The following SCP2 variants were observed in gnomAD, a reference collection of about 807,000 sequenced individuals.
SCP2 encodes the protein sterol carrier protein 2, also known as SCP-2/3-oxoacyl-CoA thiolase.
Under a neutral mutation model 71.4 loss-of-function variants are expected in SCP2, and 48 were observed. That is an observed-to-expected ratio of 0.67 (90% confidence interval 0.53 to 0.86). The LOEUF is 0.86. Ranked by LOEUF, SCP2 falls within the 40% of genes least tolerant of loss-of-function variation. The pLI is 0.00. For missense variants in SCP2, 560 were observed against 655.6 expected (o/e 0.85, Z 1.59); for synonymous variants, 220 against 218.1 (o/e 1.01, Z -0.08).
chr1:53,031,792 T>G (rs1662562242), intron 13 of SCP2, among the ~76,000 whole-genome samples: 1 of 152,250 alleles, frequency 6.6e-6, no homozygotes. Context: ...TTCTGAAAAG[T>G]AGCAGCAAGT....
intron 10 of SCP2, among the ~76,000 whole-genome samples, chr1:52,981,793 A>G (rs986244472): frequency 6.7e-6 from 1 of 150,148 alleles, no homozygotes; most frequent in Non-Finnish European, 1.5e-5. Flanking sequence ...TAAAATGTAT[A>G]TATTAAATAA....
At chr1:53,006,128 G>A (rs1348677913) in intron 11 of SCP2, among the ~76,000 whole-genome samples, 1 of 152,216 alleles carries the variant, frequency 6.6e-6, no homozygotes, top group Non-Finnish European at 1.5e-5. Context: ...ATGGGACTAT[G>A]TGAAAAGACC....
chr1:52,991,226 TTAAG>T (rs1019165149), intron 11 of SCP2, among the ~76,000 whole-genome samples: 10 of 152,128 alleles, frequency 6.6e-5, no homozygotes, highest in South Asian at 2.1e-4. Context: ...GTTCTGTGGA[TTAAG>T]TGAGGAAATA....
At chr1:52,968,341 A>G (rs1657163996) in intron 6 of SCP2, among the ~76,000 whole-genome samples, 1 of 152,206 alleles carries the variant, frequency 6.6e-6, no homozygotes, top group South Asian at 2.1e-4. Context: ...TCAAAATAAC[A>G]GGATTTTGAT....
intron 11 of SCP2, among the ~76,000 whole-genome samples, chr1:53,010,626 C>T (rs1479212036): frequency 2.0e-5 from 3 of 151,772 alleles, no homozygotes; most frequent in Non-Finnish European, 4.4e-5. Flanking sequence ...TGGGGTCTGT[C>T]GTTGGGTGGG....
chr1:53,000,681 G>A (rs1660256659), intron 11 of SCP2, among the ~76,000 whole-genome samples: 2 of 152,196 alleles, frequency 1.3e-5, no homozygotes, highest in African/African-American at 2.4e-5. Context: ...TCTTGCCTGA[G>A]TGTGGTGGCT....
intron 12 of SCP2, 89 bp from the exon 13 acceptor site, chr1:53,027,880 T>C (rs1662247720): frequency 1.4e-6 from 1 of 732,918 alleles, no homozygotes; most frequent in African/African-American, 1.8e-5. Context: ...CTTAGGGTTT[T>C]TGAAAATTTT....
rs184858354 is a variant in SCP2, at chr1:52,971,275, C to T, written c.524-3494C>T. On this transcript the variant is annotated intron_variant, in intron 6 of 15. Transcript: ENST00000371514. Reference sequence around the variant, plus strand: ...ACAGGCGTGAGCCACCGCTCCCGGCCGAGAGACACAGATTTACGTGGCCTC... The same window carrying T: ...ACAGGCGTGAGCCACCGCTCCCGGCTGAGAGACACAGATTTACGTGGCCTC... 8.7e-4 allele frequency among the ~76,000 whole-genome samples: 132 copies of T among 152,162 alleles called. 1 individual carries two copies. Among genetic ancestry groups the T allele is most frequent in the African/African-American group, 3.1e-3 (128 of 41,510 alleles).
rs193240576 is a variant in SCP2, at chr1:52,995,780, G to T, written c.1081+7644G>T. 9 of 801,324 alleles carry T rather than the reference G, an allele frequency of 1.1e-5. No homozygotes were observed. In the East Asian group the frequency reaches 1.2e-4, roughly 11 times the overall value. 49.6% of individuals were successfully genotyped at this position (801,324 alleles called of 1,614,324 possible). On this transcript the variant is annotated intron_variant, in intron 11 of 15. Coordinates refer to ENST00000371514, the MANE Select transcript of SCP2 (RefSeq NM_002979.5). Reference sequence around the variant, plus strand: ...CATCCCACCTCATGGCTTCAAGATGGCGGTCACCTTAATCGGCAGCAGCAC... The same window carrying T: ...CATCCCACCTCATGGCTTCAAGATGTCGGTCACCTTAATCGGCAGCAGCAC...
At chr1:53,004,981 A>G (rs1216884919) in intron 11 of SCP2, among the ~76,000 whole-genome samples, 2 of 152,240 alleles carry the variant, frequency 1.3e-5, no homozygotes, top group Admixed American at 1.3e-4. Flanking sequence ...ATTATATCCC[A>G]TGCCTGGCTT....
intron 6 of SCP2, among the ~76,000 whole-genome samples, chr1:52,966,536 A>T (rs1656970551): frequency 6.6e-6 from 1 of 151,428 alleles, no homozygotes; most frequent in Admixed American, 6.6e-5. Context: ...CATTATTTGT[A>T]AGTGATATAT....
intron 11 of SCP2, among the ~76,000 whole-genome samples, chr1:52,999,075 G>A (rs1660135501): frequency 6.7e-6 from 1 of 150,200 alleles, no homozygotes; most frequent in Non-Finnish European, 1.5e-5. Context: ...TATGTCTAGT[G>A]ATGGTATAGC....
At chr1:52,956,902 C>CTTTTTTTTTTTTTTTTTT (rs370787153) in intron 5 of SCP2, among the ~76,000 whole-genome samples, 1 of 105,900 alleles carries the variant, frequency 9.4e-6, no homozygotes, top group Non-Finnish European at 1.8e-5. Context: ...CTCCTTCTGC[C>CTTTTTTTTTTTTTTTTTT]TTTTTTTTTT....
intron 14 of SCP2, among the ~76,000 whole-genome samples, chr1:53,044,354 G>A (rs1663647903): frequency 6.6e-6 from 1 of 152,042 alleles, no homozygotes; most frequent in African/African-American, 2.4e-5. Context: ...CAGCGCACCC[G>A]GCTTCTATTC....
At chr1:52,999,715 G>A (rs142679372) in intron 11 of SCP2, among the ~76,000 whole-genome samples, 14 of 151,362 alleles carry the variant, frequency 9.2e-5, no homozygotes, top group South Asian at 2.1e-4. Flanking sequence ...TGCAGTGATC[G>A]TATGACAAAA....
intron 14 of SCP2, among the ~76,000 whole-genome samples, chr1:53,042,294 A>G (rs993949724): frequency 1.3e-5 from 2 of 151,810 alleles, no homozygotes; most frequent in African/African-American, 4.8e-5. Flanking sequence ...CTGAAGGTTA[A>G]TGGTTACTTT....
chr1:52,995,885 A>G, intron 11 of SCP2: 1 of 1,465,184 alleles, frequency 6.8e-7, no homozygotes, highest in Non-Finnish European at 9.2e-7. Flanking sequence ...CCACTGGTAC[A>G]CAGCTGAGGG....
intron 13 of SCP2, among the ~76,000 whole-genome samples, chr1:53,034,267 C>A (rs1402262492): frequency 1.3e-5 from 2 of 150,650 alleles, no homozygotes; most frequent in Non-Finnish European, 2.9e-5. Context: ...CAGAGTGACT[C>A]CATTTAAAAA....
intron 10 of SCP2, among the ~76,000 whole-genome samples, chr1:52,981,665 C>T (rs1337029050): frequency 4.0e-5 from 6 of 151,794 alleles, no homozygotes; most frequent in African/African-American, 1.4e-4. Flanking sequence ...CTCCTGGCTT[C>T]AAGTGATCCA....
Sources: gnomAD v4.1 joint callset for allele counts (sites outside exome capture counted in the v4.1 genomes callset) on GRCh38, gnomAD v4.1.1 for gene constraint, MANE v1.5 for transcripts, NCBI Gene and HGNC (gene_info 2026-07-23, HGNC 2026-07-21) for gene names.